Variants in DIP2B observed in about 807,000 individuals in gnomAD.
DIP2B encodes the protein disco-interacting protein 2 homolog B.
In DIP2B, 76 loss-of-function variants were observed where a neutral mutation model predicts 198.0. The ratio of observed to expected loss-of-function variants is 0.38; its 90% confidence interval spans 0.32 to 0.46. The LOEUF (loss-of-function observed/expected upper bound fraction) is 0.46. Ranked by LOEUF, DIP2B falls within the 20% of genes least tolerant of loss-of-function variation. DIP2B has a pLI of 0.99. For synonymous variants in DIP2B, 701 were observed against 739.1 expected, an observed-to-expected ratio of 0.95 and a Z score of 0.84; for missense variants, 1,559 against 1,978.4, an observed-to-expected ratio of 0.79 and a Z score of 4.02.
intron 1 of DIP2B, among the ~76,000 whole-genome samples, chr12:50,617,090 T>C (rs1457394903): frequency 6.6e-6 from 1 of 152,112 alleles, no homozygotes; most frequent in Non-Finnish European, 1.5e-5. Flanking sequence ...GGTTCAGGTA[T>C]AGATTTGAAG....
chr12:50,570,062 CT>C (rs1396897362), intron 1 of DIP2B, among the ~76,000 whole-genome samples: 2 of 152,154 alleles, frequency 1.3e-5, no homozygotes, highest in African/African-American at 4.8e-5. Context: ...GAGAGATTCA[CT>C]TGTTTGACTG....
At chr12:50,651,487 T>C (rs1038093139) in intron 3 of DIP2B, among the ~76,000 whole-genome samples, 2 of 152,216 alleles carry the variant, frequency 1.3e-5, no homozygotes, top group Non-Finnish European at 2.9e-5. Context: ...TTAATCTATT[T>C]TGAGTCAATT....
chr12:50,511,998 G>A (rs1958021712), intron 1 of DIP2B, among the ~76,000 whole-genome samples: 1 of 145,758 alleles, frequency 6.9e-6, no homozygotes, highest in Admixed American at 6.9e-5. Context: ...ACTATGTTCA[G>A]CCCAGGCTGG....
intron 2 of DIP2B, among the ~76,000 whole-genome samples, chr12:50,629,662 A>G (rs557883058): frequency 1.3e-5 from 2 of 152,262 alleles, no homozygotes; most frequent in East Asian, 3.9e-4. Context: ...CCTTAAAGGC[A>G]TCACCATTTC....
chr12:50,640,766 C>T lies in DIP2B; in HGVS notation c.215C>T (p.Pro72Leu). ...CAGAAAGAACTTAGAAACCAGACAC[C>T]TGCTCCATCTGCAGCTCAAACTTCT... ...AVQKELRNQT[P>L]APSAAQTSAP... Residue 72 changes from proline to leucine, a missense_variant, in exon 3 of 38, where the codon CCT (proline) becomes CTT (leucine). Transcript: ENST00000301180. 1 of 1,613,932 alleles carries T rather than the reference C, an allele frequency of 6.2e-7. No homozygotes were observed. Among genetic ancestry groups the T allele is most frequent in the Non-Finnish European group, 8.5e-7 (1 of 1,179,874 alleles).
At chr12:50,623,510 G>GAC (rs149507592) in intron 1 of DIP2B, among the ~76,000 whole-genome samples, 476 of 74,022 alleles carry the variant, frequency 6.4e-3, no homozygotes, top group African/African-American at 0.018. Context: ...TAGCCTTCCA[G>GAC]ACACACACAC....
intron 2 of DIP2B, among the ~76,000 whole-genome samples, chr12:50,632,797 G>A (rs1938085197): frequency 6.6e-6 from 1 of 151,908 alleles, no homozygotes; most frequent in Non-Finnish European, 1.5e-5. Flanking sequence ...TTCTCCTCCC[G>A]AAGTGCTGAG....
At chr12:50,573,642 A>C (rs983685373) in intron 1 of DIP2B, among the ~76,000 whole-genome samples, 19 of 152,182 alleles carry the variant, frequency 1.2e-4, no homozygotes, top group African/African-American at 4.6e-4. Flanking sequence ...TTATTTTTCT[A>C]ATGGAATCCC....
chr12:50,715,235 C>T lies in DIP2B; in HGVS notation c.2851+639C>T, dbSNP rs148755490. On this transcript the variant is annotated intron_variant, in intron 23 of 37. Transcript: ENST00000301180. ...TGTCTGTCACCTCTTGTCATAGATA[C>T]GCTACAGAACAAATAACCCTAAAAC... Among the ~76,000 whole-genome samples the T allele has an allele frequency of 7.0e-3, 1,067 of 152,278 alleles. 12 individuals carry two copies. The highest frequency in any genetic ancestry group is 0.024 in the African/African-American group (987 of 41,548).
At chr12:50,655,402 C>T (rs1045735256) in intron 3 of DIP2B, among the ~76,000 whole-genome samples, 5 of 152,146 alleles carry the variant, frequency 3.3e-5, no homozygotes, top group African/African-American at 7.2e-5. Flanking sequence ...AGTGATTGTT[C>T]GGGTAGTAAT....
chr12:50,731,577 T>C (rs1318246745), intron 31 of DIP2B, 40 bp downstream of exon 31: 3 of 1,577,794 alleles, frequency 1.9e-6, no homozygotes, highest in Non-Finnish European at 2.6e-6. Flanking sequence ...CCCAAAAGGT[T>C]CTGAAGAAAT....
chr12:50,550,461 A>T (rs1361666326), intron 1 of DIP2B, among the ~76,000 whole-genome samples: 1 of 152,158 alleles, frequency 6.6e-6, no homozygotes, highest in Non-Finnish European at 1.5e-5. Context: ...ATTCATAACC[A>T]TTAGTTTATT....
At chr12:50,562,267 T>C (rs1958525659) in intron 1 of DIP2B, among the ~76,000 whole-genome samples, 1 of 152,134 alleles carries the variant, frequency 6.6e-6, no homozygotes. Flanking sequence ...CAGAAGGTTA[T>C]ATAGCATAGT....
Position 50,741,490 on chromosome 12 carries a change from A to G in DIP2B, c.4429A>G (p.Ile1477Val). Residue 1477 changes from isoleucine to valine, a missense_variant, in exon 37 of 38, where the codon ATT becomes GTT. Physicochemically the swap from Ile to Val is conservative, Grantham distance 29. Transcript: ENST00000301180. ...LELRGLRYHP[I>V]DIETSVSRIH... ...GCTGAGAGGATTACGATACCACCCA[A>G]TTGATATTGAGACCTCGGTGTCCCG... 6.2e-7 allele frequency: 1 copy of G among 1,614,114 alleles called. No homozygotes were observed. Among genetic ancestry groups the G allele is most frequent in the Non-Finnish European group, 8.5e-7 (1 of 1,180,016 alleles).
intron 25 of DIP2B, among the ~76,000 whole-genome samples, chr12:50,721,040 C>A (rs922665055): frequency 6.6e-6 from 1 of 152,048 alleles, no homozygotes; most frequent in African/African-American, 2.4e-5. Flanking sequence ...AACTCCTGGG[C>A]TCAAGCAGTG....
In DIP2B at chr12:50,698,339, C is replaced by G. The variant is rs1939355204; in HGVS notation, c.2060C>G (p.Pro687Arg). The stretch of plus-strand genomic sequence containing the variant: ...GTTCTTCTTTTCAGGCCTGGAGTTC[C>G]AGGAGCCCCTTTGCCAGGAAGAGCC... Reference protein sequence around the residue: ...MTVAIRRPGVPGAPLPGRAIL... With the variant: ...MTVAIRRPGVRGAPLPGRAIL... The change falls in exon 18 of 38, where the codon CCA (proline) becomes CGA (arginine). Residue 687 changes from proline to arginine, a missense_variant. By Grantham distance (103) the Pro-to-Arg change is moderately radical (BLOSUM62 -2). Coordinates refer to ENST00000301180, the MANE Select transcript of DIP2B (RefSeq NM_173602.3). The G allele has an allele frequency of 3.1e-6, 5 of 1,612,566 alleles. No individual in the cohort carries two copies. In the East Asian group the frequency reaches 1.1e-4, roughly 36 times the overall value.
chr12:50,555,060 G>A (rs753039636), intron 1 of DIP2B, among the ~76,000 whole-genome samples: 6 of 152,096 alleles, frequency 3.9e-5, no homozygotes, highest in Non-Finnish European at 7.4e-5. Flanking sequence ...GAGCCACCGC[G>A]CCTGGCTGAC....
At chr12:50,652,630 G>T (rs1205173047) in intron 3 of DIP2B, among the ~76,000 whole-genome samples, 1 of 152,034 alleles carries the variant, frequency 6.6e-6, no homozygotes, top group East Asian at 1.9e-4. Context: ...AAAAAGTTTA[G>T]AATTGTTTTT....
intron 21 of DIP2B, among the ~76,000 whole-genome samples, chr12:50,707,837 T>C (rs1247160639): frequency 6.6e-6 from 1 of 152,054 alleles, no homozygotes; most frequent in Non-Finnish European, 1.5e-5. Context: ...CCATGGCCTC[T>C]CAGGTCCACT....
Sources: allele counts gnomAD v4.1 joint callset (sites outside exome capture counted in the v4.1 genomes callset), GRCh38; gene constraint gnomAD v4.1.1; transcripts MANE v1.5; gene names NCBI Gene and HGNC (gene_info 2026-07-23, HGNC 2026-07-21).